NXNL2: variants seen among roughly 807,000 people sequenced by gnomAD.
NXNL2 encodes the protein nucleoredoxin like 2.
Under a neutral mutation model 11.1 loss-of-function variants are expected in NXNL2, and 7 were observed. The ratio of observed to expected loss-of-function variants is 0.63; its 90% CI spans 0.36 to 1.18. The LOEUF (loss-of-function observed/expected upper bound fraction) is 1.18. Among genes scored for constraint, NXNL2 ranks in the 50% most tolerant of loss-of-function variants. The pLI is 0.02. For synonymous variants in NXNL2, 109 were observed against 101.8 expected, an observed-to-expected ratio of 1.07 and a Z score of -0.42; for missense variants, 233 against 217.7, an observed-to-expected ratio of 1.07 and a Z score of -0.44.
chr9:88,568,621 T>C (rs961197358), intron 1 of NXNL2, among the ~76,000 whole-genome samples: 6 of 152,224 alleles, frequency 3.9e-5, no homozygotes, highest in African/African-American at 1.4e-4. Flanking sequence ...AATCTGTTTG[T>C]CCTATCAAGC....
At position 88,535,570 on chromosome 9, in the gene NXNL2, C is replaced by A; in HGVS notation, c.136C>A (p.Pro46Thr). ...GTGCGCGCCGAGCCGCGACTTCACG[C>A]CGCTGCTCTGCGACTTCTATACGGC... is the stretch of plus-strand genomic sequence containing the variant. Reference protein sequence around the residue: ...ARCAPSRDFTPLLCDFYTALV... With the variant: ...ARCAPSRDFTTLLCDFYTALV... The change falls in exon 1 of 2, where the codon CCG becomes ACG. Residue 46 changes from proline (P) to threonine (T), a missense_variant. Pro to Thr is a conservative substitution (Grantham distance 38). Coordinates refer to ENST00000375854, the MANE Select transcript of NXNL2 (RefSeq NM_001161625.2). The A allele has an allele frequency of 1.2e-6, 2 of 1,609,660 alleles. No homozygotes were observed. Among genetic ancestry groups the A allele is most frequent in the East Asian group, 2.2e-5 (1 of 44,834 alleles).
At position 88,544,731 on chromosome 9, in the gene NXNL2, C is replaced by T; in HGVS notation, c.*184C>T. On this transcript the variant is annotated 3_prime_UTR_variant, in exon 2 of 2. Transcript: ENST00000375854. ...GAAATAATACACTCCATATTTTGATCATGCAGGCTGTTTGTATTATAGTTA... is the reference window on the plus strand; with the variant it reads ...GAAATAATACACTCCATATTTTGATTATGCAGGCTGTTTGTATTATAGTTA... 1 of 1,375,836 alleles carries T rather than the reference C, an allele frequency of 7.3e-7. No homozygotes were observed. The highest frequency in any genetic ancestry group is 9.3e-7 in the Non-Finnish European group (1 of 1,070,026). The allele number at this position is 1,375,836 out of a possible 1,614,324, so 85.2% of individuals were successfully genotyped here. A position where few individuals can be genotyped will look rare whatever the true frequency, so the allele number is the denominator to read the frequency against.
chr9:88,549,113 C>T (rs927790858), downstream of NXNL2, among the ~76,000 whole-genome samples: 2 of 152,168 alleles, frequency 1.3e-5, no homozygotes, highest in African/African-American at 2.4e-5. Flanking sequence ...ACAAAGACAG[C>T]GCCTATAAGT....
intron 1 of NXNL2, among the ~76,000 whole-genome samples, chr9:88,538,596 ACTTTCCT>A (rs1354920054): frequency 6.6e-6 from 1 of 152,068 alleles, no homozygotes; most frequent in Non-Finnish European, 1.5e-5. Context: ...GCATTCCTGT[ACTTTCCT>A]CTTTCCCAGC....
downstream of NXNL2, among the ~76,000 whole-genome samples, chr9:88,576,785 C>T (rs529006855): frequency 6.6e-6 from 1 of 152,286 alleles, no homozygotes; most frequent in South Asian, 2.1e-4. Context: ...GGAGGTCGGC[C>T]CTGCTTTCCT....
At chr9:88,546,009 C>T (rs1267609737), downstream of NXNL2, among the ~76,000 whole-genome samples, 3 of 152,132 alleles carry the variant, frequency 2.0e-5, no homozygotes, top group Admixed American at 6.5e-5. Flanking sequence ...TCAGGTGATC[C>T]ACCCGCCTCG....
intron 1 of NXNL2, among the ~76,000 whole-genome samples, chr9:88,561,513 G>T (rs1830085339): frequency 6.6e-6 from 1 of 151,746 alleles, no homozygotes; most frequent in Non-Finnish European, 1.5e-5. Flanking sequence ...TGTCTAATTA[G>T]TTCTGTCCCT....
At chr9:88,574,448 G>A (rs952320243) in intron 2 of NXNL2, among the ~76,000 whole-genome samples, 1 of 152,174 alleles carries the variant, frequency 6.6e-6, no homozygotes, top group Non-Finnish European at 1.5e-5. Flanking sequence ...TATGTAAGAT[G>A]TACATTGGTT....
At chr9:88,550,570 G>T (rs1420384295) in intron 1 of NXNL2, among the ~76,000 whole-genome samples, 2 of 152,230 alleles carry the variant, frequency 1.3e-5, no homozygotes, top group Non-Finnish European at 2.9e-5. Context: ...ACATCTTGAA[G>T]CAGGGAAGCT....
chr9:88,556,506 A>T (rs1038182643), intron 1 of NXNL2, among the ~76,000 whole-genome samples: 11 of 152,150 alleles, frequency 7.2e-5, no homozygotes, highest in African/African-American at 2.7e-4. Context: ...CAGGGGTTTC[A>T]TGGGCTCAGA....
exon 3 of NXNL2, chr9:88,575,190 G>A: frequency 2.0e-6 from 2 of 984,164 alleles, no homozygotes; most frequent in South Asian, 9.4e-5. Context: ...CATTCTGCGA[G>A]TCTGTGCTCA....
chr9:88,567,779 G>A (rs1462935945), intron 1 of NXNL2, among the ~76,000 whole-genome samples: 2 of 152,322 alleles, frequency 1.3e-5, no homozygotes, highest in East Asian at 1.9e-4. Flanking sequence ...TGTGACTTAA[G>A]TACTTGGGCC....
Position 88,535,625 on chromosome 9 carries a change from C to T in NXNL2, c.191C>T (p.Pro64Leu), listed in dbSNP as rs546840525. Residue 64 changes from proline to leucine, a missense_variant, in exon 1 of 2, where the codon CCC (proline) becomes CTC (leucine). Pro to Leu is a moderately conservative substitution (Grantham distance 98). Transcript: ENST00000375854. ...ALVAEARRPAPFEVVFVSADG... is the reference protein window; with the variant it reads ...ALVAEARRPALFEVVFVSADG... ...GTGGCCGAGGCGCGGCGGCCCGCGCCCTTCGAAGTGGTCTTCGTGTCAGCC... is the reference window on the plus strand; with the variant it reads ...GTGGCCGAGGCGCGGCGGCCCGCGCTCTTCGAAGTGGTCTTCGTGTCAGCC... The T allele has an allele frequency of 2.5e-6, 4 of 1,609,100 alleles. No homozygotes were observed. The highest frequency in any genetic ancestry group is 3.3e-4 in the Middle Eastern group (2 of 5,998).
downstream of NXNL2, among the ~76,000 whole-genome samples, chr9:88,548,026 A>C (rs940110257): frequency 2.7e-5 from 4 of 147,936 alleles, no homozygotes; most frequent in Non-Finnish European, 4.5e-5. Context: ...TTAAAAAAAA[A>C]ATAAAGAAAA....
At chr9:88,555,821 C>T (rs773313598) in intron 1 of NXNL2, among the ~76,000 whole-genome samples, 7 of 152,072 alleles carry the variant, frequency 4.6e-5, no homozygotes, top group Non-Finnish European at 1.0e-4. Flanking sequence ...CCTTCACCTT[C>T]TGTGGGCAAG....
chr9:88,545,247 C>T (rs754140723), downstream of NXNL2, among the ~76,000 whole-genome samples: 15 of 152,188 alleles, frequency 9.9e-5, no homozygotes, highest in Non-Finnish European at 2.1e-4. Flanking sequence ...AATAATCCAT[C>T]GAAGTAAACA....
chr9:88,577,054 A>T (rs536941050), downstream of NXNL2, among the ~76,000 whole-genome samples: 4 of 152,126 alleles, frequency 2.6e-5, no homozygotes, highest in South Asian at 8.3e-4. Flanking sequence ...GGTCCTTGCG[A>T]GGTGTCCTGG....
downstream of NXNL2, among the ~76,000 whole-genome samples, chr9:88,580,740 A>C (rs1830400534): frequency 6.6e-6 from 1 of 152,214 alleles, no homozygotes; most frequent in Admixed American, 6.5e-5. Context: ...CATGCTCTTC[A>C]GATTTCATCC....
chr9:88,547,658 C>T (rs144764808), downstream of NXNL2, among the ~76,000 whole-genome samples: 28 of 152,304 alleles, frequency 1.8e-4, no homozygotes, highest in East Asian at 4.6e-3. Context: ...TCCACTTTGC[C>T]AGCTATCTAG....
Sources: allele counts gnomAD v4.1 joint callset (sites outside exome capture counted in the v4.1 genomes callset), GRCh38; gene constraint gnomAD v4.1.1; transcripts MANE v1.5; gene names NCBI Gene and HGNC (gene_info 2026-07-23, HGNC 2026-07-21).